NRXN1: variants seen among roughly 807,000 people sequenced by gnomAD.
NRXN1 encodes neurexin-1.
Under a neutral mutation model 150.9 loss-of-function variants are expected in NRXN1, and 39 were observed. The ratio of observed to expected loss-of-function variants is 0.26; its 90% CI spans 0.20 to 0.34. The LOEUF is 0.34. NRXN1 is among the 10% of genes least tolerant of loss of function. The pLI is 1.00. For synonymous variants in NRXN1, 924 were observed against 757.0 expected (o/e 1.22, Z -3.62); for missense variants, 1,815 against 1,949.9 (o/e 0.93, Z 1.30).
chr2:50,194,024 T>G (rs1276010666), intron 18 of NRXN1, among the ~76,000 whole-genome samples: 1 of 152,184 alleles, frequency 6.6e-6, no homozygotes, highest in African/African-American at 2.4e-5. Context: ...ACTCCTTTTG[T>G]CTTAACTACA....
chr2:49,940,616 G>T (rs1212145793), intron 22 of NRXN1, among the ~76,000 whole-genome samples: 1 of 151,914 alleles, frequency 6.6e-6, no homozygotes, highest in Non-Finnish European at 1.5e-5. Context: ...GAAAAAAGTT[G>T]GAAAATAGGA....
intron 12 of NRXN1, among the ~76,000 whole-genome samples, chr2:50,518,911 A>T (rs984104267): frequency 2.6e-3 from 93 of 35,828 alleles, no homozygotes; most frequent in Non-Finnish European, 4.8e-3. Context: ...AGCATATTAG[A>T]GAAAAAAACC....
At chr2:50,218,816 C>A (rs746051562) in intron 18 of NRXN1, among the ~76,000 whole-genome samples, 74 of 151,924 alleles carry the variant, frequency 4.9e-4, no homozygotes, top group Non-Finnish European at 9.6e-4. Context: ...TACCCAGTGA[C>A]ATTTTAGTTA....
At chr2:51,008,586 A>G (rs894683207) in intron 2 of NRXN1, among the ~76,000 whole-genome samples, 1 of 151,846 alleles carries the variant, frequency 6.6e-6, no homozygotes, top group Non-Finnish European at 1.5e-5. Flanking sequence ...GCCCATTACT[A>G]TCTATACAGG....
intron 17 of NRXN1, among the ~76,000 whole-genome samples, chr2:50,239,054 G>C (rs2065742606): frequency 7.5e-6 from 1 of 132,858 alleles, no homozygotes; most frequent in African/African-American, 2.8e-5. Flanking sequence ...AGAAATCCCA[G>C]GGCTTTCCTG....
chr2:50,977,535 A>G (rs1257853414), intron 2 of NRXN1, among the ~76,000 whole-genome samples: 1 of 151,968 alleles, frequency 6.6e-6, no homozygotes, highest in African/African-American at 2.4e-5. Context: ...AGGAAACACT[A>G]CAAGTTTAAA....
At chr2:51,002,308 A>C (rs1462566204) in intron 2 of NRXN1, among the ~76,000 whole-genome samples, 1 of 151,902 alleles carries the variant, frequency 6.6e-6, no homozygotes, top group African/African-American at 2.4e-5. Context: ...AATACACTAA[A>C]AACTACTTTA....
At chr2:50,947,309 T>C (rs1204759372) in intron 2 of NRXN1, among the ~76,000 whole-genome samples, 2 of 152,006 alleles carry the variant, frequency 1.3e-5, no homozygotes, top group Admixed American at 6.6e-5. Context: ...AATGAATAAA[T>C]GAAGAAATGA....
intron 21 of NRXN1, among the ~76,000 whole-genome samples, chr2:50,029,623 G>A (rs1407156531): frequency 6.6e-6 from 1 of 152,090 alleles, no homozygotes; most frequent in African/African-American, 2.4e-5. Flanking sequence ...GTCAAGCAAA[G>A]AGGTCTCGAA....
At chr2:50,579,651 A>G (rs1007152335) in intron 8 of NRXN1, among the ~76,000 whole-genome samples, 5 of 152,200 alleles carry the variant, frequency 3.3e-5, no homozygotes, top group African/African-American at 1.2e-4. Flanking sequence ...AAACAAATAC[A>G]AAAATAAAAA....
intron 5 of NRXN1, among the ~76,000 whole-genome samples, chr2:50,644,560 C>G (rs982892332): frequency 1.3e-5 from 2 of 151,614 alleles, no homozygotes; most frequent in East Asian, 2.0e-4. Flanking sequence ...TGATGGACGG[C>G]TATGGAATGA....
chr2:50,646,335 G>A (rs753241750), intron 5 of NRXN1, among the ~76,000 whole-genome samples: 3 of 152,034 alleles, frequency 2.0e-5, no homozygotes, highest in Non-Finnish European at 2.9e-5. Context: ...GCAGCACTCT[G>A]TTCCAGGCAG....
intron 12 of NRXN1, among the ~76,000 whole-genome samples, chr2:50,509,496 G>A (rs1314189750): frequency 6.6e-6 from 1 of 152,160 alleles, no homozygotes; most frequent in East Asian, 1.9e-4. Flanking sequence ...TCAGCAATTT[G>A]CTAACACACT....
At chr2:50,463,604 T>A (rs2088483662) in intron 17 of NRXN1, among the ~76,000 whole-genome samples, 1 of 151,782 alleles carries the variant, frequency 6.6e-6, no homozygotes, top group Non-Finnish European at 1.5e-5. Context: ...AAGAGCAGCA[T>A]TAAAATAGTT....
intron 17 of NRXN1, among the ~76,000 whole-genome samples, chr2:50,307,016 G>A (rs563025792): frequency 6.6e-6 from 1 of 152,070 alleles, no homozygotes; most frequent in South Asian, 2.1e-4. Flanking sequence ...ATGGAGTCTT[G>A]CTCTGTTGCC....
Position 50,468,484 on chromosome 2 carries a change from T to A in NRXN1, c.3245-2923A>T, listed in dbSNP as rs529115936. Among the ~76,000 whole-genome samples the A allele has an allele frequency of 6.6e-5, 10 of 151,774 alleles. 1 individual carries two copies. The highest frequency in any genetic ancestry group is 2.4e-4 in the African/African-American group (10 of 41,512). ...ACAGGTATTACACAAGAGAGAGCCT[T>A]AAATTTATTTTTCTTTTTAGTTATG... On this transcript the variant is annotated intron_variant, in intron 16 of 22. Coordinates refer to ENST00000401669, the MANE Select transcript of NRXN1 (RefSeq NM_001330078.2).
rs558542570 is a variant in NRXN1, at chr2:50,999,298, T to C, written c.772+28204A>G. Among the ~76,000 whole-genome samples the C allele has an allele frequency of 3.9e-5, 6 of 152,174 alleles. No individual in the cohort carries two copies. In the South Asian group the frequency reaches 1.0e-3, roughly 26 times the overall value. ...TCAATAAATATTTCCTAAGTTCCTA[T>C]TATGCACTGTACAAGGTGGATACTC... On this transcript the variant is annotated intron_variant, in intron 2 of 22. Coordinates refer to ENST00000401669, the MANE Select transcript of NRXN1 (RefSeq NM_001330078.2).
At chr2:50,001,548 A>G (rs559789103) in intron 21 of NRXN1, among the ~76,000 whole-genome samples, 1 of 152,258 alleles carries the variant, frequency 6.6e-6, no homozygotes, top group East Asian at 1.9e-4. Flanking sequence ...TCACATACCT[A>G]TTCTGCTGCT....
At chr2:50,611,794 G>A (rs905523052) in intron 8 of NRXN1, among the ~76,000 whole-genome samples, 5 of 152,164 alleles carry the variant, frequency 3.3e-5, no homozygotes, top group Non-Finnish European at 7.3e-5. Context: ...GAGTAGGGAA[G>A]AGGTTCACAG....
Sources: gnomAD v4.1 joint callset for allele counts (sites outside exome capture counted in the v4.1 genomes callset) on GRCh38, gnomAD v4.1.1 for gene constraint, MANE v1.5 for transcripts, NCBI Gene and HGNC (gene_info 2026-07-23, HGNC 2026-07-21) for gene names.